RABGAP1L: variants seen among roughly 807,000 people sequenced by gnomAD.
The protein encoded by RABGAP1L is RAB GTPase activating protein 1 like, also known as rab GTPase-activating protein 1-like.
In RABGAP1L, 63 loss-of-function variants were observed where a neutral mutation model predicts 137.7. The ratio of observed to expected loss-of-function variants is 0.46; its 90% CI spans 0.37 to 0.56. RABGAP1L has a LOEUF of 0.56. RABGAP1L is among the 20% of genes least tolerant of loss of function. The pLI is 0.00. For missense variants in RABGAP1L, 1,095 were observed against 1,244.0 expected (o/e 0.88, Z 1.80); for synonymous variants, 431 against 433.7 (o/e 0.99, Z 0.08).
chr1:174,833,668 A>G (rs1692421884), intron 19 of RABGAP1L, among the ~76,000 whole-genome samples: 1 of 151,192 alleles, frequency 6.6e-6, no homozygotes, highest in Non-Finnish European at 1.5e-5. Context: ...CTTATTATGT[A>G]CCCACTAGGT....
chr1:174,872,615 G>A lies in RABGAP1L; in HGVS notation c.2340+60655G>A, dbSNP rs1003297612. Among the ~76,000 whole-genome samples, 20 of 151,372 alleles carry A rather than the reference G, an allele frequency of 1.3e-4. No individual in the cohort carries two copies. In the South Asian group the frequency reaches 4.2e-3, roughly 32 times the overall value. The stretch of plus-strand genomic sequence containing the variant: ...CTTATTCTGTCACCCAGGCTGGAGT[G>A]TAGTGGCACAATTGCAGTTCACTGT... On this transcript the variant is annotated intron_variant, in intron 19 of 25. Transcript: ENST00000681986.
intron 1 of RABGAP1L, among the ~76,000 whole-genome samples, chr1:174,217,959 T>C (rs889234567): frequency 6.6e-6 from 1 of 152,104 alleles, no homozygotes; most frequent in Non-Finnish European, 1.5e-5. Flanking sequence ...GGTAACCTAA[T>C]TAGAAAGAAA....
chr1:174,970,135 A>G (rs1011934009), intron 21 of RABGAP1L, among the ~76,000 whole-genome samples: 12 of 152,218 alleles, frequency 7.9e-5, no homozygotes, highest in Non-Finnish European at 1.6e-4. Flanking sequence ...CCTGTTAACC[A>G]CAAACCTCAT....
intron 11 of RABGAP1L, among the ~76,000 whole-genome samples, chr1:174,344,368 T>C (rs1242863740): frequency 6.6e-6 from 1 of 152,228 alleles, no homozygotes; most frequent in African/African-American, 2.4e-5. Context: ...CTTTGGACTT[T>C]CGTTCTCATA....
chr1:174,215,219 G>A (rs1204355703), intron 1 of RABGAP1L, among the ~76,000 whole-genome samples: 2 of 152,180 alleles, frequency 1.3e-5, no homozygotes, highest in African/African-American at 4.8e-5. Flanking sequence ...CACTTTGGGA[G>A]GCCAGGGCGA....
In RABGAP1L at chr1:174,991,067, C is replaced by T. The variant is rs1299657297; in HGVS notation, c.*1066C>T. On this transcript the variant is annotated 3_prime_UTR_variant, in exon 26 of 26. Coordinates refer to ENST00000681986, the MANE Select transcript of RABGAP1L (RefSeq NM_001366446.1). ...TGTAGTTCCCTGAAAATGTGTCCTTCGTACCCATAAAGAGATACAAATGCA... is the reference window on the plus strand; with the variant it reads ...TGTAGTTCCCTGAAAATGTGTCCTTTGTACCCATAAAGAGATACAAATGCA... 3 of 152,132 alleles carry T rather than the reference C, an allele frequency of 2.0e-5. No homozygotes were observed. Among genetic ancestry groups the T allele is most frequent in the Admixed American group, 6.5e-5 (1 of 15,286 alleles). The allele number at this position is 152,132 out of a possible 1,614,324, so 9.4% of individuals were successfully genotyped here. A position where few individuals can be genotyped will look rare whatever the true frequency, so the allele number is the denominator to read the frequency against.
Position 174,542,009 on chromosome 1 carries a change from G to A in RABGAP1L, c.1711-95366G>A, listed in dbSNP as rs140262732. Among the ~76,000 whole-genome samples the A allele has an allele frequency of 6.3e-3, 966 of 152,252 alleles. 8 individuals are homozygous for A. Among genetic ancestry groups the A allele is most frequent in the Admixed American group, 0.012 (180 of 15,300 alleles). On this transcript the variant is annotated intron_variant, in intron 13 of 25. Coordinates refer to ENST00000681986, the MANE Select transcript of RABGAP1L (RefSeq NM_001366446.1). ...ATTTGGTTTGCCAGTATTTTATTGA[G>A]GATCTTTGCATCAATGTTCATCAGG...
At chr1:174,431,785 G>A (rs1652661970) in intron 13 of RABGAP1L, among the ~76,000 whole-genome samples, 1 of 152,140 alleles carries the variant, frequency 6.6e-6, no homozygotes. Flanking sequence ...TATTCGAATT[G>A]ATGTTAATAG....
chr1:174,162,831 G>C (rs1003654853), intron 1 of RABGAP1L, among the ~76,000 whole-genome samples: 13 of 104,494 alleles, frequency 1.2e-4, no homozygotes, highest in African/African-American at 4.2e-4. Context: ...TAGGGTACAT[G>C]TGCACATTGT....
intron 22 of RABGAP1L, among the ~76,000 whole-genome samples, chr1:174,977,605 G>A (rs964047099): frequency 1.3e-5 from 2 of 152,168 alleles, no homozygotes; most frequent in Non-Finnish European, 2.9e-5. Context: ...CTGTGTGTGT[G>A]TAACTGTTTT....
In RABGAP1L at chr1:174,609,593, T is replaced by G. The variant is rs1419764976; in HGVS notation, c.1711-27782T>G. Among the ~76,000 whole-genome samples the G allele has an allele frequency of 2.0e-5, 3 of 152,174 alleles. No individual in the cohort carries two copies. The East Asian group carries it at 5.8e-4, about 29-fold the overall frequency. On this transcript the variant is annotated intron_variant, in intron 13 of 25. Transcript: ENST00000681986. ...TAAGCACTATAATCCAGAGGTACAC[T>G]GAATGGGAATTTTCTGATCCTTACC... is the stretch of plus-strand genomic sequence containing the variant.
chr1:174,892,896 A>ATTTTT (rs748971722), intron 19 of RABGAP1L, among the ~76,000 whole-genome samples: 31 of 91,858 alleles, frequency 3.4e-4, no homozygotes, highest in African/African-American at 4.5e-4. Flanking sequence ...CACCCAGCTA[A>ATTTTT]TTTTTTTTTT....
intron 19 of RABGAP1L, among the ~76,000 whole-genome samples, chr1:174,943,237 C>G (rs765601347): frequency 5.3e-5 from 8 of 152,196 alleles, no homozygotes; most frequent in Non-Finnish European, 1.2e-4. Flanking sequence ...GTTGAATGCT[C>G]TATCACTAGC....
rs1672080105 is a variant in RABGAP1L at position 174,991,853 on chromosome 1, T to C, written c.*1852T>C. On this transcript the variant is annotated 3_prime_UTR_variant, in exon 26 of 26. Transcript: ENST00000681986. ...GCTTGTTTTTGTAAATCATTTAGTA[T>C]AGGCTGTTAGCTTTACTGGTACTTT... 6.6e-6 allele frequency: 1 copy of C among 151,834 alleles called. No individual in the cohort carries two copies. The highest frequency in any genetic ancestry group is 1.5e-5 in the Non-Finnish European group (1 of 67,982). 9.4% of individuals were successfully genotyped at this position (151,834 alleles called of 1,614,324 possible). A position where few individuals can be genotyped will look rare whatever the true frequency, so the allele number is the denominator to read the frequency against.
chr1:174,606,549 A>C (rs1023306748), intron 13 of RABGAP1L, among the ~76,000 whole-genome samples: 14 of 152,250 alleles, frequency 9.2e-5, no homozygotes, highest in Non-Finnish European at 8.8e-5. Flanking sequence ...GAGGAGAGAC[A>C]GTGTTGACAA....
chr1:174,674,915 A>G (rs917572862), intron 14 of RABGAP1L, among the ~76,000 whole-genome samples: 33 of 152,108 alleles, frequency 2.2e-4, no homozygotes, highest in South Asian at 6.2e-4. Flanking sequence ...CATGTCCTTC[A>G]CCCACTTTTT....
chr1:174,246,917 T>A (rs1226530516), intron 5 of RABGAP1L, among the ~76,000 whole-genome samples: 1 of 152,256 alleles, frequency 6.6e-6, no homozygotes, highest in Non-Finnish European at 1.5e-5. Flanking sequence ...TTAACTCTTT[T>A]GGTAGAAATG....
intron 7 of RABGAP1L, among the ~76,000 whole-genome samples, chr1:174,269,520 AT>A (rs1487367369): frequency 6.6e-6 from 1 of 152,182 alleles, no homozygotes; most frequent in African/African-American, 2.4e-5. Flanking sequence ...AATCAGTTTT[AT>A]CGTTTGTTGT....
At chr1:174,838,127 G>A (rs1692952047) in intron 19 of RABGAP1L, among the ~76,000 whole-genome samples, 1 of 152,136 alleles carries the variant, frequency 6.6e-6, no homozygotes. Context: ...ATTTATCTTG[G>A]CAGTGATTAC....
Sources: allele counts gnomAD v4.1 joint callset (sites outside exome capture counted in the v4.1 genomes callset), GRCh38; gene constraint gnomAD v4.1.1; transcripts MANE v1.5; gene names NCBI Gene and HGNC (gene_info 2026-07-23, HGNC 2026-07-21).